Variants in DRC5 observed in about 807,000 individuals in gnomAD.
DRC5 encodes T-complex-associated testis-expressed protein 1.
the DRC5 span, among the ~76,000 whole-genome samples, chr6:44,294,590 CAAA>C: frequency 6.6e-6 from 1 of 150,930 alleles, no homozygotes; most frequent in African/African-American, 2.4e-5. Flanking sequence ...ACTAAAAATA[CAAA>C]AATTAGCCAG....
the DRC5 span, among the ~76,000 whole-genome samples, chr6:44,283,048 C>T: frequency 3.0e-4 from 45 of 152,112 alleles, no homozygotes; most frequent in Non-Finnish European, 4.6e-4. Context: ...GTGATCCACC[C>T]GCCTCAGCCT....
At chr6:44,286,475 AG>A in the DRC5 span, 4 of 1,614,074 alleles carry the variant, frequency 2.5e-6, no homozygotes, top group Non-Finnish European at 3.4e-6. Flanking sequence ...GTCAGGGGAC[AG>A]GTGGTTCAGG....
At chr6:44,291,275 T>C in the DRC5 span, among the ~76,000 whole-genome samples, 97 of 152,360 alleles carry the variant, frequency 6.4e-4, no homozygotes, top group Non-Finnish European at 1.3e-3. Context: ...TTTTTAAAAA[T>C]GGATATCACA....
At chr6:44,281,364 T>C in the DRC5 span, among the ~76,000 whole-genome samples, 1 of 152,204 alleles carries the variant, frequency 6.6e-6, no homozygotes, top group Non-Finnish European at 1.5e-5. Flanking sequence ...TTCAATATTA[T>C]GTTTATGTCA....
the DRC5 span, chr6:44,278,870 T>TACACACACACACAC: frequency 6.7e-6 from 1 of 149,828 alleles, no homozygotes; most frequent in African/African-American, 2.4e-5. Context: ...GCTGTGGCTA[T>TACACACACACACAC]ACACACACAC....
the DRC5 span, chr6:44,287,941 G>A: frequency 7.3e-7 from 1 of 1,378,308 alleles, no homozygotes; most frequent in East Asian, 2.5e-5. Flanking sequence ...GAAGAGGGTA[G>A]AGGTGTTACT....
chr6:44,280,205 A>G, the DRC5 span: 7 of 1,614,028 alleles, frequency 4.3e-6, no homozygotes, highest in South Asian at 4.4e-5. Flanking sequence ...TCTCAGGGCC[A>G]TTGGCAGTTA....
At chr6:44,297,571 T>C in the DRC5 span, 1 of 152,134 alleles carries the variant, frequency 6.6e-6, no homozygotes, top group Non-Finnish European at 1.5e-5. Context: ...CAGAGGACGC[T>C]AGAGGGGCTC....
chr6:44,286,271 A>G, the DRC5 span: 5 of 1,612,872 alleles, frequency 3.1e-6, no homozygotes, highest in Non-Finnish European at 2.5e-6. Context: ...GAGCGGCAGC[A>G]GGTCGAGGAT....
chr6:44,286,628 A>C, the DRC5 span: 1 of 1,087,790 alleles, frequency 9.2e-7, no homozygotes, highest in Non-Finnish European at 1.3e-6. Context: ...CACCAGGCAA[A>C]GGAGAGACCC....
At chr6:44,286,425 T>A in the DRC5 span, 7 of 1,614,180 alleles carry the variant, frequency 4.3e-6, no homozygotes, top group Non-Finnish European at 5.9e-6. Flanking sequence ...AGCCAGTAGT[T>A]CTCACTGTCT....
the DRC5 span, among the ~76,000 whole-genome samples, chr6:44,294,483 GC>G: frequency 6.6e-6 from 1 of 151,956 alleles, no homozygotes; most frequent in Non-Finnish European, 1.5e-5. Flanking sequence ...GGTGGCTCAT[GC>G]CTGTAGTCTT....
the DRC5 span, chr6:44,282,208 T>A: frequency 6.2e-7 from 1 of 1,614,140 alleles, no homozygotes; most frequent in Non-Finnish European, 8.5e-7. Context: ...GACAGCTCAT[T>A]GCCACCGAGG....
chr6:44,280,301 G>A, the DRC5 span: 34 of 1,614,100 alleles, frequency 2.1e-5, no homozygotes, highest in African/African-American at 1.6e-4. Context: ...TGAGGTACTC[G>A]CTTTCCTGGG....
the DRC5 span, among the ~76,000 whole-genome samples, chr6:44,281,105 G>T: frequency 2.6e-5 from 4 of 152,148 alleles, no homozygotes; most frequent in South Asian, 8.3e-4. Flanking sequence ...TCATGGGGAG[G>T]TTTAGTAGAG....
At chr6:44,282,633 A>G in the DRC5 span, 11 of 1,414,740 alleles carry the variant, frequency 7.8e-6, no homozygotes, top group Non-Finnish European at 9.6e-6. Context: ...TCTTTGGCAA[A>G]CTTGGCTCAC....
At chr6:44,279,492 C>A in the DRC5 span, 1 of 152,156 alleles carries the variant, frequency 6.6e-6, no homozygotes, top group Non-Finnish European at 1.5e-5. Flanking sequence ...CAGGGAAGCT[C>A]TCTGGGGTGG....
the DRC5 span, among the ~76,000 whole-genome samples, chr6:44,296,606 G>A: frequency 1.3e-5 from 2 of 152,248 alleles, no homozygotes; most frequent in East Asian, 3.8e-4. Context: ...GTGCATCACA[G>A]TTCTGGTCCT....
At chr6:44,287,436 G>A in the DRC5 span, 238 of 1,143,568 alleles carry the variant, frequency 2.1e-4, 1 homozygote, top group South Asian at 1.4e-3. Context: ...CCATACGGGA[G>A]AGCAGGGGCT....
Sources: gnomAD v4.1 joint callset for allele counts (sites outside exome capture counted in the v4.1 genomes callset) on GRCh38, gnomAD v4.1.1 for gene constraint, MANE v1.5 for transcripts, NCBI Gene and HGNC (gene_info 2026-07-23, HGNC 2026-07-21) for gene names.